Variants in PLEKHG4B observed in about 807,000 individuals in gnomAD.
The protein encoded by PLEKHG4B is pleckstrin homology domain-containing family G member 4B.
A neutral mutation model predicts 121.3 loss-of-function variants in PLEKHG4B; 111 were observed. That is an observed-to-expected ratio of 0.92 (90% CI 0.78 to 1.07). The LOEUF (loss-of-function observed/expected upper bound fraction) is 1.07. PLEKHG4B is among the 50% of genes least tolerant of loss of function. The pLI, the probability that PLEKHG4B is intolerant of heterozygous loss-of-function variation, is 0.00. For missense variants in PLEKHG4B, 1,831 were observed against 1,757.8 expected (o/e 1.04, Z -0.74); for synonymous variants, 738 against 725.0 (o/e 1.02, Z -0.29).
At position 150,986 on chromosome 5, in the gene PLEKHG4B, G is replaced by A. The variant is rs1202928578; in HGVS notation, c.1906-527G>A. Among the ~76,000 whole-genome samples the A allele has an allele frequency of 5.9e-5, 9 of 152,312 alleles. No individual in the cohort carries two copies. In the South Asian group the frequency reaches 6.2e-4, roughly 11 times the overall value. Reference sequence around the variant, plus strand: ...TGAACAGATTGTGGTGAGGCATACCGTGGAATACTGCTCAGCAAAACAGAG... The same window carrying A: ...TGAACAGATTGTGGTGAGGCATACCATGGAATACTGCTCAGCAAAACAGAG... On this transcript the variant is annotated intron_variant, in intron 6 of 19. Transcript: ENST00000637938.
chr5:135,414 G>A (rs1734928367), intron 2 of PLEKHG4B, among the ~76,000 whole-genome samples: 1 of 150,464 alleles, frequency 6.6e-6, no homozygotes, highest in East Asian at 2.0e-4. Context: ...CGCTTGCAAT[G>A]CCAGTACTTT....
chr5:168,025 C>T (rs550307368), intron 13 of PLEKHG4B, among the ~76,000 whole-genome samples: 22 of 152,358 alleles, frequency 1.4e-4, no homozygotes, highest in Admixed American at 1.3e-3. Flanking sequence ...CAGCCCACCT[C>T]TCCACTCTCT....
At chr5:152,356 G>A (rs770407887) in intron 7 of PLEKHG4B, among the ~76,000 whole-genome samples, 1 of 151,198 alleles carries the variant, frequency 6.6e-6, no homozygotes, top group Non-Finnish European at 1.5e-5. Context: ...GACTGAAGGT[G>A]TGCACCCCCA....
chr5:135,673 AAAAAAAAAAATATATATATATATATAT>A (rs1230198689), intron 2 of PLEKHG4B, among the ~76,000 whole-genome samples: 2 of 64,214 alleles, frequency 3.1e-5, no homozygotes, highest in African/African-American at 7.1e-5. Flanking sequence ...CTCAAAAAAA[AAAAAAAAAAATATATATATATATATAT>A]ATATATATAT....
rs1017035455 is a variant in PLEKHG4B at position 157,249 on chromosome 5, G to T, written c.2487+338G>T. 1 of 346,720 alleles carries T rather than the reference G, an allele frequency of 2.9e-6. No individual in the cohort carries two copies. The highest frequency in any genetic ancestry group is 5.6e-6 in the Non-Finnish European group (1 of 178,924). The allele number at this position is 346,720 out of a possible 1,614,324, so 21.5% of individuals were successfully genotyped here. A position where few individuals can be genotyped will look rare whatever the true frequency, so the allele number is the denominator to read the frequency against. Reference sequence around the variant, plus strand: ...TTCTCCATGTGCATGCGTACACAGTGACTGAGAAGCCGAGGTGAAACCGAC... The same window carrying T: ...TTCTCCATGTGCATGCGTACACAGTTACTGAGAAGCCGAGGTGAAACCGAC... On this transcript the variant is annotated intron_variant, in intron 11 of 19. Transcript: ENST00000637938. The surrounding 1 kb of genome is among the most constrained non-coding windows in gnomAD (Gnocchi z 4.6).
At chr5:110,803 C>T (rs1277682173) in intron 1 of PLEKHG4B, among the ~76,000 whole-genome samples, 1 of 152,292 alleles carries the variant, frequency 6.6e-6, no homozygotes, top group East Asian at 1.9e-4. Context: ...CCGTCTGTCC[C>T]TCAGTGAGGC....
chr5:116,517 A>G (rs989000646), intron 2 of PLEKHG4B, among the ~76,000 whole-genome samples: 1 of 152,256 alleles, frequency 6.6e-6, no homozygotes, highest in Non-Finnish European at 1.5e-5. Context: ...ATGTCTGTAC[A>G]TACAGATAAG....
intron 2 of PLEKHG4B, among the ~76,000 whole-genome samples, chr5:134,965 G>A (rs943436449): frequency 2.6e-5 from 4 of 151,834 alleles, no homozygotes; most frequent in East Asian, 1.9e-4. Context: ...CAAGGCAGGC[G>A]GATCACCAGG....
chr5:167,381 C>G (rs951520848), intron 13 of PLEKHG4B, among the ~76,000 whole-genome samples: 3 of 152,106 alleles, frequency 2.0e-5, no homozygotes, highest in Non-Finnish European at 4.4e-5. Context: ...GCTGTGCTTC[C>G]CATCATTAGC....
intron 18 of PLEKHG4B, among the ~76,000 whole-genome samples, chr5:174,315 G>A (rs535443874): frequency 0.016 from 2,084 of 132,966 alleles, 92 homozygotes; most frequent in African/African-American, 0.058. Flanking sequence ...CTGAATCCAG[G>A]GGCCAGGGGG....
intron 2 of PLEKHG4B, among the ~76,000 whole-genome samples, chr5:135,078 A>C (rs572741142): frequency 6.6e-6 from 1 of 150,822 alleles, no homozygotes; most frequent in African/African-American, 2.4e-5. Context: ...AGTCCCAGCT[A>C]CTGGGAGGCT....
At position 171,361 on chromosome 5, in the gene PLEKHG4B, C is replaced by T. The variant is rs762857511; in HGVS notation, c.3967C>T (p.Leu1323Phe). 1 of 1,611,996 alleles carries T rather than the reference C, an allele frequency of 6.2e-7. No individual in the cohort carries two copies. Among genetic ancestry groups the T allele is most frequent in the Non-Finnish European group, 8.5e-7 (1 of 1,179,802 alleles). Residue 1323 changes from leucine to phenylalanine, a missense_variant, in exon 16 of 20, where the codon CTC (leucine) becomes TTC (phenylalanine). Coordinates refer to ENST00000637938, the MANE Select transcript of PLEKHG4B (RefSeq NM_052909.5). ...GLAQGQELGE[L>F]RAAEVVVCFQ... ...GGCCCAGGGGCAGGAGCTGGGCGAG[C>T]TCCGAGCCGCCGAGGTCGTGGTCTG...
intron 13 of PLEKHG4B, among the ~76,000 whole-genome samples, chr5:164,005 G>A (rs1051683144): frequency 2.0e-5 from 3 of 152,248 alleles, no homozygotes; most frequent in Non-Finnish European, 4.4e-5. Flanking sequence ...CAAAGGACGC[G>A]TCCACTCATT....
At position 163,474 on chromosome 5, in the gene PLEKHG4B, C is replaced by T; in HGVS notation, c.3402C>T (p.Val1134=). The T allele has an allele frequency of 6.2e-7, 1 of 1,612,782 alleles. No individual in the cohort carries two copies. The change falls in exon 13 of 20, where the codon GTC becomes GTT. Residue 1134 remains valine, a synonymous_variant. Transcript: ENST00000637938. ...PLWQHARSPP[V]TQSRSLSSPS... is the part of the protein sequence containing the mutation. Reference sequence around the variant, plus strand: ...GGCAGCATGCCAGGAGCCCCCCGGTCACTCAGAGCCGGAGTCTGTCCTCCC... The same window carrying T: ...GGCAGCATGCCAGGAGCCCCCCGGTTACTCAGAGCCGGAGTCTGTCCTCCC...
intron 6 of PLEKHG4B, among the ~76,000 whole-genome samples, chr5:145,566 T>C (rs1735380885): frequency 6.6e-6 from 1 of 152,204 alleles, no homozygotes; most frequent in African/African-American, 2.4e-5. Context: ...TTCGCCACAT[T>C]GCCTAGGCTG....
At chr5:116,655 A>G (rs1158285799) in intron 2 of PLEKHG4B, among the ~76,000 whole-genome samples, 1 of 152,216 alleles carries the variant, frequency 6.6e-6, no homozygotes, top group African/African-American at 2.4e-5. Flanking sequence ...AGCTGCTGGA[A>G]GGCACCTGGC....
In PLEKHG4B at chr5:184,636, A is replaced by C. The variant is rs1733555134; in HGVS notation, c.*2313A>C. ...CATCCAGGATTTTCCTCGTTATTTA[A>C]ATCCCTTTAGCCCATCTCCCATTTG... On this transcript the variant is annotated 3_prime_UTR_variant, in exon 20 of 20. Coordinates refer to ENST00000637938, the MANE Select transcript of PLEKHG4B (RefSeq NM_052909.5). 1.3e-5 allele frequency: 2 copies of C among 152,352 alleles called. No individual in the cohort carries two copies. Among genetic ancestry groups the C allele is most frequent in the East Asian group, 3.9e-4 (2 of 5,190 alleles). The allele number at this position is 152,352 out of a possible 1,614,324, so 9.4% of individuals were successfully genotyped here.
At position 163,321 on chromosome 5, in the gene PLEKHG4B, G is replaced by A. The variant is rs115239044; in HGVS notation, c.3249G>A (p.Thr1083=). 2.5e-3 allele frequency: 3,985 copies of A among 1,613,424 alleles called. 8 individuals carry two copies. Among genetic ancestry groups the A allele is most frequent in the Non-Finnish European group, 2.9e-3 (3,374 of 1,180,032 alleles). ...KHPQKKMIKK[T]QSFEIPQPDS... ...CCCAGAAGAAAATGATAAAGAAAAC[G>A]CAAAGTTTCGAGATACCTCAGCCCG... Residue 1083 remains threonine (T), a synonymous_variant, in exon 13 of 20, where the codon ACG becomes ACA. Coordinates refer to ENST00000637938, the MANE Select transcript of PLEKHG4B (RefSeq NM_052909.5).
chr5:161,789 T>C lies in PLEKHG4B; in HGVS notation c.2494T>C (p.Cys832Arg), dbSNP rs1579306375. The stretch of plus-strand genomic sequence containing the variant: ...CTTTGTTCCTTGGGTACAGCAATCC[T>C]GCCAGAAAGGACTACAGCTGGCGAA... Reference protein sequence around the residue: ...SLLEGNDQQSCQKGLQLAKEN... With the variant: ...SLLEGNDQQSRQKGLQLAKEN... The change falls in exon 12 of 20, where the codon TGC becomes CGC. Residue 832 changes from cysteine to arginine, a missense_variant. Transcript: ENST00000637938. The C allele has an allele frequency of 6.2e-7, 1 of 1,613,612 alleles. No individual in the cohort carries two copies. Among genetic ancestry groups the C allele is most frequent in the East Asian group, 2.2e-5 (1 of 44,878 alleles).
Sources: allele counts gnomAD v4.1 joint callset (sites outside exome capture counted in the v4.1 genomes callset), GRCh38; gene constraint gnomAD v4.1.1; non-coding constraint Gnocchi (gnomAD v3.1); transcripts MANE v1.5; gene names NCBI Gene and HGNC (gene_info 2026-07-23, HGNC 2026-07-21).